Variants in ZNF804B observed in about 807,000 individuals in gnomAD.
ZNF804B encodes zinc finger protein 804B.
ZNF804B carries 80 observed loss-of-function variants against 101.4 expected under a neutral mutation model. That is an observed-to-expected ratio of 0.79 (90% CI 0.66 to 0.95). The LOEUF (loss-of-function observed/expected upper bound fraction) is 0.95. Among genes scored for constraint, ZNF804B ranks in the 40% least tolerant of loss-of-function variants. The pLI, the probability that ZNF804B is intolerant of heterozygous loss-of-function variation, is 0.00. For missense variants in ZNF804B, 1,673 were observed against 1,561.9 expected, an observed-to-expected ratio of 1.07 and a Z score of -1.20; for synonymous variants, 622 against 558.8, an observed-to-expected ratio of 1.11 and a Z score of -1.59.
At chr7:89,257,465 C>T (rs1020819208) in intron 2 of ZNF804B, among the ~76,000 whole-genome samples, 2 of 151,842 alleles carry the variant, frequency 1.3e-5, no homozygotes, top group African/African-American at 4.8e-5. Context: ...ATTATCTATC[C>T]AATGCCCAGA....
Position 89,024,673 on chromosome 7 carries a change from A to T in ZNF804B, c.109-193482A>T, listed in dbSNP as rs1185192949. Among the ~76,000 whole-genome samples, 8 of 151,018 alleles carry T rather than the reference A, an allele frequency of 5.3e-5. 1 individual carries two copies. The highest frequency in any genetic ancestry group is 1.5e-5 in the Non-Finnish European group (1 of 67,704). Reference sequence around the variant, plus strand: ...GAGTATCATTCTTGAAAAAAAAAAAAAAAAAAAGATGTGAAATTAAGAGAG... The same window carrying T: ...GAGTATCATTCTTGAAAAAAAAAAATAAAAAAAGATGTGAAATTAAGAGAG... On this transcript the variant is annotated intron_variant, in intron 1 of 3. Transcript: ENST00000333190.
intron 1 of ZNF804B, among the ~76,000 whole-genome samples, chr7:89,176,041 T>G (rs903799134): frequency 6.6e-6 from 1 of 151,998 alleles, no homozygotes; most frequent in Non-Finnish European, 1.5e-5. Flanking sequence ...GTTTGGAGGC[T>G]CTCAATTTCT....
chr7:88,831,028 AT>A (rs981153811), intron 1 of ZNF804B, among the ~76,000 whole-genome samples: 1 of 151,832 alleles, frequency 6.6e-6, no homozygotes, highest in African/African-American at 2.4e-5. Context: ...AGATTAAAAA[AT>A]TTTTTTGAAA....
At chr7:89,085,315 A>G (rs1443760558) in intron 1 of ZNF804B, among the ~76,000 whole-genome samples, 1 of 151,988 alleles carries the variant, frequency 6.6e-6, no homozygotes, top group East Asian at 1.9e-4. Context: ...TAGAACTCCA[A>G]ATAAGAAATC....
At chr7:89,187,267 A>T (rs1584040170) in intron 1 of ZNF804B, among the ~76,000 whole-genome samples, 1 of 151,890 alleles carries the variant, frequency 6.6e-6, no homozygotes, top group Admixed American at 6.6e-5. Flanking sequence ...TAACATAGAA[A>T]CTCATTTAAA....
At chr7:89,050,995 A>G (rs1402708920) in intron 1 of ZNF804B, among the ~76,000 whole-genome samples, 1 of 151,642 alleles carries the variant, frequency 6.6e-6, no homozygotes, top group Non-Finnish European at 1.5e-5. Flanking sequence ...TTTTTTTAAC[A>G]TAAAATGTAT....
At chr7:88,892,760 T>C (rs959243136) in intron 1 of ZNF804B, among the ~76,000 whole-genome samples, 6 of 152,184 alleles carry the variant, frequency 3.9e-5, no homozygotes, top group African/African-American at 1.4e-4. Flanking sequence ...TTTCATCTCC[T>C]GGTCACTTCG....
At chr7:89,017,169 T>G (rs1788580076) in intron 1 of ZNF804B, among the ~76,000 whole-genome samples, 1 of 152,204 alleles carries the variant, frequency 6.6e-6, no homozygotes, top group South Asian at 2.1e-4. Context: ...ATGCTTGTGA[T>G]TTTTGTACAT....
intron 1 of ZNF804B, among the ~76,000 whole-genome samples, chr7:88,922,396 G>A (rs1019792540): frequency 9.9e-5 from 15 of 151,808 alleles, no homozygotes; most frequent in South Asian, 4.2e-4. Flanking sequence ...CTCACATATC[G>A]AACTAAAGTT....
intron 1 of ZNF804B, among the ~76,000 whole-genome samples, chr7:88,980,065 C>CT (rs997034052): frequency 4.4e-4 from 65 of 147,032 alleles, no homozygotes; most frequent in African/African-American, 1.2e-3. Flanking sequence ...CTGCTTGATT[C>CT]TTTTTTTTTT....
chr7:88,816,109 C>T (rs756573391), intron 1 of ZNF804B, among the ~76,000 whole-genome samples: 12 of 151,960 alleles, frequency 7.9e-5, no homozygotes, highest in Non-Finnish European at 1.8e-4. Flanking sequence ...TTGAGCTTTC[C>T]TCTTGCATGA....
intron 1 of ZNF804B, among the ~76,000 whole-genome samples, chr7:88,841,273 G>A (rs2115805287): frequency 6.6e-6 from 1 of 152,286 alleles, no homozygotes; most frequent in African/African-American, 2.4e-5. Context: ...CTTAGAGTGG[G>A]AGCTATTCAT....
Position 89,335,373 on chromosome 7 carries a change from A to G in ZNF804B, c.2391A>G (p.Ser797=). 1 of 1,613,760 alleles carries G rather than the reference A, an allele frequency of 6.2e-7. No individual in the cohort carries two copies. The highest frequency in any genetic ancestry group is 2.2e-5 in the East Asian group (1 of 44,844). Reference sequence around the variant, plus strand: ...AATCATTTAAAAATGAAAAATACTCAAAACGTAGATATTGTCACTGCAGAG... The same window carrying G: ...AATCATTTAAAAATGAAAAATACTCGAAACGTAGATATTGTCACTGCAGAG... ...LWESFKNEKY[S]KRRYCHCRER... Residue 797 remains serine, a synonymous_variant, in exon 4 of 4, where the codon TCA becomes TCG. Coordinates refer to ENST00000333190, the MANE Select transcript of ZNF804B (RefSeq NM_181646.5).
intron 1 of ZNF804B, among the ~76,000 whole-genome samples, chr7:88,798,267 A>C (rs1790522358): frequency 6.6e-6 from 1 of 152,084 alleles, no homozygotes; most frequent in South Asian, 2.1e-4. Context: ...TTTATTTCAT[A>C]TATCTAGATT....
intron 1 of ZNF804B, among the ~76,000 whole-genome samples, chr7:88,843,741 GAAAA>G (rs979410442): frequency 6.6e-6 from 1 of 150,698 alleles, no homozygotes; most frequent in Non-Finnish European, 1.5e-5. Context: ...TGTCTCAAAA[GAAAA>G]AAAATAATAA....
At chr7:88,914,221 T>C (rs1792597152) in intron 1 of ZNF804B, among the ~76,000 whole-genome samples, 1 of 152,180 alleles carries the variant, frequency 6.6e-6, no homozygotes, top group Admixed American at 6.5e-5. Flanking sequence ...GAAATGAATC[T>C]TCTCATGGAA....
At chr7:89,278,279 A>C (rs1790022801) in intron 2 of ZNF804B, among the ~76,000 whole-genome samples, 1 of 151,200 alleles carries the variant, frequency 6.6e-6, no homozygotes, top group Non-Finnish European at 1.5e-5. Flanking sequence ...GGTTGTGAAA[A>C]ATTTCTCCCA....
intron 2 of ZNF804B, among the ~76,000 whole-genome samples, chr7:89,284,776 A>C (rs1396600418): frequency 6.6e-6 from 1 of 152,216 alleles, no homozygotes; most frequent in Non-Finnish European, 1.5e-5. Context: ...AAAGCTAGCT[A>C]ATTTAATGCT....
At chr7:88,829,753 A>C (rs548075300) in intron 1 of ZNF804B, among the ~76,000 whole-genome samples, 5 of 152,198 alleles carry the variant, frequency 3.3e-5, no homozygotes, top group African/African-American at 1.2e-4. Context: ...AAAAAGTAAA[A>C]TATTTATTGT....
Sources: allele counts gnomAD v4.1 joint callset (sites outside exome capture counted in the v4.1 genomes callset), GRCh38; gene constraint gnomAD v4.1.1; transcripts MANE v1.5; gene names NCBI Gene and HGNC (gene_info 2026-07-23, HGNC 2026-07-21).